The following IL1RAPL2 variants were observed in gnomAD, a reference collection of about 807,000 sequenced individuals.
IL1RAPL2 encodes the protein X-linked interleukin-1 receptor accessory protein-like 2.
In IL1RAPL2, 3 loss-of-function variants were observed where a neutral mutation model predicts 44.1. The observed-to-expected ratio is 0.07, with a 90% CI of 0.03 to 0.18. The LOEUF is 0.18. Ranked by LOEUF, IL1RAPL2 falls within the 10% of genes least tolerant of loss-of-function variation. The pLI is 1.00. For missense variants in IL1RAPL2, 391 were observed against 496.4 expected (o/e 0.79, Z 2.02); for synonymous variants, 181 against 178.8 (o/e 1.01, Z -0.10).
chrX:105,591,525 T>A (rs866465811), intron 6 of IL1RAPL2, among the ~76,000 whole-genome samples: 8 of 111,169 alleles, frequency 7.2e-5, no homozygotes, highest in Non-Finnish European at 1.1e-4. Flanking sequence ...TAGCTTAAGA[T>A]CTTTCTAACT....
intron 5 of IL1RAPL2, among the ~76,000 whole-genome samples, chrX:105,456,598 T>A (rs2036056603): frequency 9.0e-6 from 1 of 111,666 alleles, no homozygotes; most frequent in Non-Finnish European, 1.9e-5. Context: ...TTCTCTTTAG[T>A]CCTGTTTATG....
intron 5 of IL1RAPL2, among the ~76,000 whole-genome samples, chrX:105,415,221 C>T (rs747839693): frequency 1.7e-4 from 19 of 111,899 alleles, no homozygotes; most frequent in African/African-American, 6.2e-4. Context: ...GCTGGTGACT[C>T]GGGTTCCCTT....
At chrX:105,105,694 C>A (rs2032731373) in intron 2 of IL1RAPL2, among the ~76,000 whole-genome samples, 1 of 112,337 alleles carries the variant, frequency 8.9e-6, no homozygotes, top group African/African-American at 3.2e-5. Context: ...GATCTCTTTT[C>A]TCAGTGACTT....
chrX:105,523,333 C>A (rs1274632947), intron 6 of IL1RAPL2, among the ~76,000 whole-genome samples: 2 of 111,405 alleles, frequency 1.8e-5, no homozygotes, highest in Non-Finnish European at 3.8e-5. Flanking sequence ...ACATAAGTAA[C>A]CTCTCTCAGC....
chrX:105,531,185 C>G (rs1423324146), intron 6 of IL1RAPL2, among the ~76,000 whole-genome samples: 1 of 111,713 alleles, frequency 9.0e-6, no homozygotes, highest in Non-Finnish European at 1.9e-5. Flanking sequence ...TATGAGGGTT[C>G]CCTTTTCTCC....
At chrX:105,244,617 A>G (rs997577328) in intron 4 of IL1RAPL2, among the ~76,000 whole-genome samples, 4 of 111,958 alleles carry the variant, frequency 3.6e-5, no homozygotes, top group Admixed American at 1.9e-4. Context: ...CAGTTGTTCC[A>G]AGAGAGTAAT....
chrX:104,752,908 C>A (rs1257680605), intron 2 of IL1RAPL2, among the ~76,000 whole-genome samples: 2 of 109,891 alleles, frequency 1.8e-5, no homozygotes, highest in African/African-American at 3.3e-5. Flanking sequence ...ACCCCTTGAC[C>A]AGGTCATGGT....
chrX:105,090,038 G>T (rs762713203), intron 2 of IL1RAPL2, among the ~76,000 whole-genome samples: 4 of 111,770 alleles, frequency 3.6e-5, no homozygotes, highest in African/African-American at 1.3e-4. Context: ...AAGGAAGAGG[G>T]AGGAAAAGAA....
intron 7 of IL1RAPL2, among the ~76,000 whole-genome samples, chrX:105,740,058 G>A (rs751409941): frequency 6.9e-4 from 74 of 106,714 alleles, no homozygotes; most frequent in Middle Eastern, 4.8e-3. Context: ...GTGTGAGATG[G>A]TATCTCATTG....
intron 5 of IL1RAPL2, among the ~76,000 whole-genome samples, chrX:105,379,284 C>G (rs1035247788): frequency 9.0e-6 from 1 of 111,256 alleles, no homozygotes; most frequent in Non-Finnish European, 1.9e-5. Flanking sequence ...GTCATAAGAA[C>G]AACTCTGTTC....
intron 6 of IL1RAPL2, among the ~76,000 whole-genome samples, chrX:105,664,084 T>A (rs2037739540): frequency 8.9e-6 from 1 of 111,830 alleles, no homozygotes; most frequent in Admixed American, 9.5e-5. Context: ...GTTGAAGAAT[T>A]TAATGCCAGC....
intron 7 of IL1RAPL2, among the ~76,000 whole-genome samples, chrX:105,727,406 A>G (rs990163625): frequency 2.7e-5 from 3 of 111,537 alleles, no homozygotes; most frequent in African/African-American, 9.8e-5. Flanking sequence ...ATTTTAGTTT[A>G]TGATCTTTAG....
intron 4 of IL1RAPL2, among the ~76,000 whole-genome samples, chrX:105,236,251 C>T (rs2034118969): frequency 8.9e-6 from 1 of 112,085 alleles, no homozygotes. Context: ...ATCATCCTTA[C>T]ATACTCAAGC....
chrX:105,748,275 T>C (rs1369833818), intron 8 of IL1RAPL2, among the ~76,000 whole-genome samples: 6 of 112,399 alleles, frequency 5.3e-5, no homozygotes, highest in Admixed American at 9.4e-5. Context: ...AAGTCTGCTA[T>C]CAGGTAGGCT....
intron 2 of IL1RAPL2, among the ~76,000 whole-genome samples, chrX:105,027,484 C>T (rs1263538239): frequency 1.8e-5 from 2 of 110,901 alleles, no homozygotes; most frequent in Non-Finnish European, 3.8e-5. Context: ...GGGAAAAAAT[C>T]TAACAATATG....
intron 6 of IL1RAPL2, among the ~76,000 whole-genome samples, chrX:105,607,742 A>ACTCTCAG (rs2037306046): frequency 9.3e-6 from 1 of 107,607 alleles, no homozygotes; most frequent in South Asian, 4.1e-4. Flanking sequence ...ATATTTAAGG[A>ACTCTCAG]CTCTCAGCTG....
chrX:105,625,955 T>C (rs1442591975), intron 6 of IL1RAPL2, among the ~76,000 whole-genome samples: 1 of 111,863 alleles, frequency 8.9e-6, no homozygotes, highest in Non-Finnish European at 1.9e-5. Flanking sequence ...TAACAGTATC[T>C]CTCCCAATGC....
intron 6 of IL1RAPL2, among the ~76,000 whole-genome samples, chrX:105,704,817 TGTTAAA>T (rs1278272101): frequency 1.8e-5 from 2 of 110,688 alleles, no homozygotes; most frequent in Non-Finnish European, 3.8e-5. Flanking sequence ...GCAATTTTAA[TGTTAAA>T]GTTTTACTAT....
chrX:104,718,793 G>C (rs1263812570), intron 2 of IL1RAPL2, among the ~76,000 whole-genome samples: 1 of 111,705 alleles, frequency 9.0e-6, no homozygotes, highest in Non-Finnish European at 1.9e-5. Context: ...TTTACTGCAG[G>C]ATTCTTTTAA....
Sources: allele counts gnomAD v4.1 joint callset (sites outside exome capture counted in the v4.1 genomes callset), GRCh38; gene constraint gnomAD v4.1.1; transcripts MANE v1.5; gene names NCBI Gene and HGNC (gene_info 2026-07-23, HGNC 2026-07-21).